The following NLRX1 variants were observed in gnomAD, a reference collection of about 807,000 sequenced individuals.
NLRX1 encodes the protein NOD-like receptor X1.
Under a neutral mutation model 74.2 loss-of-function variants are expected in NLRX1, and 67 were observed. The observed-to-expected ratio is 0.90, with a 90% CI of 0.74 to 1.11. NLRX1 has a LOEUF of 1.11. Ranked by LOEUF, NLRX1 falls within the 50% of genes least tolerant of loss-of-function variation. The probability of loss-of-function intolerance (pLI) is 0.00; values close to 1 mark genes in which losing one functional copy is unlikely to be tolerated. For synonymous variants in NLRX1, 506 were observed against 559.1 expected, an observed-to-expected ratio of 0.91 and a Z score of 1.34; for missense variants, 1,191 against 1,305.4, an observed-to-expected ratio of 0.91 and a Z score of 1.35.
In NLRX1 at chr11:119,183,409, C is replaced by T. The variant is rs774855004; in HGVS notation, c.2898C>T (p.Leu966=). The T allele has an allele frequency of 1.2e-6, 2 of 1,613,176 alleles. No individual in the cohort carries two copies. The highest frequency in any genetic ancestry group is 1.7e-5 in the Admixed American group (1 of 59,968). Residue 966 remains leucine, a synonymous_variant, in exon 10 of 10, where the codon CTC becomes CTT. Coordinates refer to ENST00000409109, the MANE Select transcript of NLRX1 (RefSeq NM_001282144.2). This position sits in a 1 kb window ranked among gnomAD's most constrained non-coding sequence, Gnocchi z 5.7. ...LLRVEGEVRA[L]LEQLGSSGS The stretch of plus-strand genomic sequence containing the variant: ...GAGTGGAGGGCGAGGTCAGGGCCCT[C>T]CTGGAGCAGCTGGGAAGCTCTGGAA...
In NLRX1 at chr11:119,180,058, C is replaced by T; in HGVS notation, c.2037C>T (p.Leu679=). ...VLPPSELLDH[L]FFHYEFQNQR... ...CCCCATCAGAGCTCCTTGACCACCT[C>T]TTCTTCCACTATGAGTTCCAGAACC... The change falls in exon 7 of 10, where the codon CTC becomes CTT. Residue 679 remains leucine (L), a synonymous_variant. Transcript: ENST00000409109. 6.2e-7 allele frequency: 1 copy of T among 1,613,688 alleles called. No homozygotes were observed.
chr11:119,183,372 C>T lies in NLRX1; in HGVS notation c.2861C>T (p.Ala954Val), dbSNP rs755993553. ...RGATLNPWRK[A>V]QLLRVEGEVR... is the part of the protein sequence containing the mutation. ...GCCACCCTTAATCCTTGGCGCAAGG[C>T]CCAGCTGCTGCGAGTGGAGGGCGAG... Residue 954 changes from alanine (A) to valine (V), a missense_variant, in exon 10 of 10, where the codon GCC (alanine) becomes GTC (valine). Coordinates refer to ENST00000409109, the MANE Select transcript of NLRX1 (RefSeq NM_001282144.2). The surrounding 1 kb of genome is among the most constrained non-coding windows in gnomAD (Gnocchi z 5.7). 6.2e-7 allele frequency: 1 copy of T among 1,614,202 alleles called. No homozygotes were observed. Among genetic ancestry groups the T allele is most frequent in the Non-Finnish European group, 8.5e-7 (1 of 1,180,032 alleles).
chr11:119,168,895 G>C lies in NLRX1; in HGVS notation c.-456G>C, dbSNP rs968501758. On this transcript the variant is annotated 5_prime_UTR_variant, in exon 1 of 10. Coordinates refer to ENST00000409109, the MANE Select transcript of NLRX1 (RefSeq NM_001282144.2). Reference sequence around the variant, plus strand: ...CGTCCTCTTTCGCGCCCGCTGCCAGGTGCCAGGGCCGCGCAGGCGGGCGGA... The same window carrying C: ...CGTCCTCTTTCGCGCCCGCTGCCAGCTGCCAGGGCCGCGCAGGCGGGCGGA... The C allele has an allele frequency of 6.6e-6, 1 of 152,292 alleles. No individual in the cohort carries two copies. The allele number at this position is 152,292 out of a possible 1,614,324, so 9.4% of individuals were successfully genotyped here. A position where few individuals can be genotyped will look rare whatever the true frequency, so the allele number is the denominator to read the frequency against.
At chr11:119,182,564 A>G (rs976825869) in intron 9 of NLRX1, among the ~76,000 whole-genome samples, 1 of 152,056 alleles carries the variant, frequency 6.6e-6, no homozygotes, top group African/African-American at 2.4e-5. Context: ...CATTTCTCCT[A>G]AAGCCCTACT....
Position 119,174,031 on chromosome 11 carries a change from A to C in NLRX1, c.782A>C (p.Asp261Ala). Residue 261 changes from aspartate (D) to alanine (A), a missense_variant, in exon 5 of 10, where the codon GAC (aspartate) becomes GCC (alanine). Transcript: ENST00000409109. ...CTGGCAGGCACGGGACTTTGTAGTG[A>C]CCCGGAGGAACCGCAGGAACCAGCT... ...FRLAGTGLCSDPEEPQEPAAI... is the reference protein window; with the variant it reads ...FRLAGTGLCSAPEEPQEPAAI... 1 of 1,614,016 alleles carries C rather than the reference A, an allele frequency of 6.2e-7. No individual in the cohort carries two copies. Among genetic ancestry groups the C allele is most frequent in the East Asian group, 2.2e-5 (1 of 44,874 alleles).
rs955073356 is a variant in NLRX1, at chr11:119,183,435, G to A, written c.2924G>A (p.Ser975Asn). The A allele has an allele frequency of 6.2e-7, 1 of 1,610,750 alleles. No individual in the cohort carries two copies. Among genetic ancestry groups the A allele is most frequent in the Non-Finnish European group, 8.5e-7 (1 of 1,179,044 alleles). ...CTGGAGCAGCTGGGAAGCTCTGGAAGCTGAGACACTGGCGGCAGGCACCTA... is the reference window on the plus strand; with the variant it reads ...CTGGAGCAGCTGGGAAGCTCTGGAAACTGAGACACTGGCGGCAGGCACCTA... Reference protein sequence around the residue: ...ALLEQLGSSGS With the variant: ...ALLEQLGSSGN The change falls in exon 10 of 10, where the codon AGC (serine) becomes AAC (asparagine). Residue 975 changes from serine (S) to asparagine (N), a missense_variant. Transcript: ENST00000409109. This position sits in a 1 kb window ranked among gnomAD's most constrained non-coding sequence, Gnocchi z 5.7.
intron 6 of NLRX1, among the ~76,000 whole-genome samples, chr11:119,176,807 G>A (rs1010172530): frequency 6.6e-6 from 1 of 152,172 alleles, no homozygotes; most frequent in Non-Finnish European, 1.5e-5. Context: ...TGGGCTACAG[G>A]TGTGAACCAC....
At chr11:119,181,070 CA>C in intron 7 of NLRX1, 100 bp from the exon 8 acceptor site, 1 of 833,042 alleles carries the variant, frequency 1.2e-6, no homozygotes. Flanking sequence ...TATAGATTCC[CA>C]GAGGCAGGCT....
At chr11:119,179,071 G>C (rs187830841) in intron 6 of NLRX1, among the ~76,000 whole-genome samples, 308 of 152,328 alleles carry the variant, frequency 2.0e-3, no homozygotes, top group Non-Finnish European at 3.6e-3. Context: ...GGGGCCAAGA[G>C]GCTTGTGATG....
In NLRX1 at chr11:119,173,878, C is replaced by T; in HGVS notation, c.629C>T (p.Ala210Val). The T allele has an allele frequency of 6.2e-7, 1 of 1,613,448 alleles. No individual in the cohort carries two copies. Among genetic ancestry groups the T allele is most frequent in the Non-Finnish European group, 8.5e-7 (1 of 1,180,034 alleles). ...EDLSSLGPAP[A>V]SLCQLVAQRY... ...CTGTCATCCCTGGGCCCTGCCCCAG[C>T]CTCCCTGTGCCAACTTGTGGCCCAG... The change falls in exon 5 of 10, where the codon GCC (alanine) becomes GTC (valine). Residue 210 changes from alanine (A) to valine (V), a missense_variant. By Grantham distance (64) the Ala-to-Val change is moderately conservative. Transcript: ENST00000409109. This position sits in a 1 kb window ranked among gnomAD's most constrained non-coding sequence, Gnocchi z 4.0.
intron 1 of NLRX1, among the ~76,000 whole-genome samples, chr11:119,171,072 G>A (rs192317304): frequency 6.6e-6 from 1 of 152,286 alleles, no homozygotes; most frequent in Non-Finnish European, 1.5e-5. Context: ...GGGCCCGGGA[G>A]GCATAGGCTT....
rs1948462703 is a variant in NLRX1, at chr11:119,168,830, C to T, written c.-521C>T. The T allele has an allele frequency of 6.6e-6, 1 of 152,234 alleles. No individual in the cohort carries two copies. The highest frequency in any genetic ancestry group is 1.5e-5 in the Non-Finnish European group (1 of 68,068). The allele number at this position is 152,234 out of a possible 1,614,324, so 9.4% of individuals were successfully genotyped here. On this transcript the variant is annotated 5_prime_UTR_variant, in exon 1 of 10. Coordinates refer to ENST00000409109, the MANE Select transcript of NLRX1 (RefSeq NM_001282144.2). ...GGAGCACCGGGCCCCTCTCGCTGAC[C>T]CCCTCGTCCCAGGACCCCGCAGGCC... is the stretch of plus-strand genomic sequence containing the variant.
chr11:119,179,709 T>C lies in NLRX1; in HGVS notation c.1688T>C (p.Phe563Ser). ...CTTTTTCAGGTGGTTCCACGAGTGTTTGGGCGCATGGTGGGTAAAAGCCGG... is the reference window on the plus strand; with the variant it reads ...CTTTTTCAGGTGGTTCCACGAGTGTCTGGGCGCATGGTGGGTAAAAGCCGG... ...FNLIKVVPRV[F>S]GRMVGKSREA... The change falls in exon 7 of 10, where the codon TTT becomes TCT. Residue 563 changes from phenylalanine to serine, a missense_variant. By Grantham distance (155) the Phe-to-Ser change is radical. Transcript: ENST00000409109. 6.2e-7 allele frequency: 1 copy of C among 1,604,130 alleles called. No homozygotes were observed. The highest frequency in any genetic ancestry group is 2.2e-5 in the East Asian group (1 of 44,632).
At chr11:119,179,357 A>G (rs1232458677) in intron 6 of NLRX1, among the ~76,000 whole-genome samples, 1 of 152,204 alleles carries the variant, frequency 6.6e-6, no homozygotes, top group Non-Finnish European at 1.5e-5. Context: ...GTTTTGGGCC[A>G]GGTGCAGTGG....
In NLRX1 at chr11:119,175,140, A is replaced by G. The variant is rs376976033; in HGVS notation, c.1537A>G (p.Thr513Ala). Residue 513 changes from threonine to alanine, a missense_variant, in exon 6 of 10, where the codon ACG becomes GCG. Physicochemically the swap from Thr to Ala is moderately conservative, Grantham distance 58. Coordinates refer to ENST00000409109, the MANE Select transcript of NLRX1 (RefSeq NM_001282144.2). ...ALYIVLGLRKTTLQKVGKEVA... is the reference protein window; with the variant it reads ...ALYIVLGLRKATLQKVGKEVA... ...CTACATTGTGCTGGGTTTGCGCAAG[A>G]CGACCCTGCAAAAGGTGGGCAAGGA... is the stretch of plus-strand genomic sequence containing the variant. 4 of 1,614,074 alleles carry G rather than the reference A, an allele frequency of 2.5e-6. No individual in the cohort carries two copies. The highest frequency in any genetic ancestry group is 3.4e-6 in the Non-Finnish European group (4 of 1,180,048).
intron 3 of NLRX1, 123 bp downstream of exon 3, chr11:119,172,548 G>T: frequency 1.3e-6 from 1 of 746,592 alleles, no homozygotes; most frequent in Non-Finnish European, 2.3e-6. Flanking sequence ...TCCTTTGGGG[G>T]TGGGAGGACA....
In NLRX1 at chr11:119,173,906, C is replaced by T; in HGVS notation, c.657C>T (p.Arg219=). 2 of 1,613,590 alleles carry T rather than the reference C, an allele frequency of 1.2e-6. No individual in the cohort carries two copies. Among genetic ancestry groups the T allele is most frequent in the Non-Finnish European group, 1.7e-6 (2 of 1,180,034 alleles). Residue 219 remains arginine (R), a synonymous_variant, in exon 5 of 10, where the codon CGC becomes CGT. Transcript: ENST00000409109. This position sits in a 1 kb window ranked among gnomAD's most constrained non-coding sequence, Gnocchi z 4.0. ...CCCTGTGCCAACTTGTGGCCCAGCG[C>T]TACACGCCCCTGAAGGAGGTTCTGC... The part of the protein sequence containing the change: ...PASLCQLVAQ[R]YTPLKEVLPL...
In NLRX1 at chr11:119,179,823, T is replaced by C. The variant is rs1179457091; in HGVS notation, c.1802T>C (p.Ile601Thr). 1.2e-6 allele frequency: 2 copies of C among 1,614,158 alleles called. No individual in the cohort carries two copies. ...GTTCTGGACCAGATGGGCGCCAGTA[T>C]CCTGGGCGTGGAGGGCCCCCGGCGC... ...DDVLDQMGAS[I>T]LGVEGPRRHP... The change falls in exon 7 of 10, where the codon ATC becomes ACC. Residue 601 changes from isoleucine to threonine, a missense_variant. Coordinates refer to ENST00000409109, the MANE Select transcript of NLRX1 (RefSeq NM_001282144.2).
At chr11:119,180,486 C>A (rs1242494630) in intron 7 of NLRX1, among the ~76,000 whole-genome samples, 198 bp downstream of exon 7, 1 of 152,152 alleles carries the variant, frequency 6.6e-6, no homozygotes, top group Non-Finnish European at 1.5e-5. Context: ...GGGCGTATCA[C>A]CTGAGGTCAG....
Sources: gnomAD v4.1 joint callset for allele counts (sites outside exome capture counted in the v4.1 genomes callset) on GRCh38, gnomAD v4.1.1 for gene constraint, Gnocchi (gnomAD v3.1) non-coding constraint, MANE v1.5 for transcripts, NCBI Gene and HGNC (gene_info 2026-07-23, HGNC 2026-07-21) for gene names.